ADGRF5: variants seen among roughly 807,000 people sequenced by gnomAD.
The protein encoded by ADGRF5 is adhesion G protein-coupled receptor F5, also known as G-protein coupled receptor 116.
A neutral mutation model predicts 132.3 loss-of-function variants in ADGRF5; 75 were observed. That is an observed-to-expected ratio of 0.57 (90% CI 0.47 to 0.69). ADGRF5 has a LOEUF of 0.69. Ranked by LOEUF, ADGRF5 falls within the 30% of genes least tolerant of loss-of-function variation. The pLI, the probability that ADGRF5 is intolerant of heterozygous loss-of-function variation, is 0.00. For synonymous variants in ADGRF5, 629 were observed against 597.6 expected (o/e 1.05, Z -0.77); for missense variants, 1,516 against 1,630.6 (o/e 0.93, Z 1.21).
chr6:46,893,491 A>C (rs1247803905), intron 3 of ADGRF5, among the ~76,000 whole-genome samples: 1 of 152,112 alleles, frequency 6.6e-6, no homozygotes, highest in African/African-American at 2.4e-5. Context: ...TTCCCTCAGA[A>C]GGCCCAGAGT....
chr6:46,859,111 T>A lies in ADGRF5; in HGVS notation c.2792A>T (p.Asn931Ile). The stretch of plus-strand genomic sequence containing the variant: ...TGAAATCCTGAATGGCATAGTTGTA[T>A]TGTGGCTGACAGTGGTTGTCATCAC... Reference protein sequence around the residue: ...SLVMTTTVSHNTTMPFRISMT... With the variant: ...SLVMTTTVSHITTMPFRISMT... The change falls in exon 17 of 21, where the codon AAT (asparagine) becomes ATT (isoleucine). Residue 931 changes from asparagine to isoleucine, a missense_variant. Transcript: ENST00000283296. 6.2e-7 allele frequency: 1 copy of A among 1,614,070 alleles called. No individual in the cohort carries two copies. The highest frequency in any genetic ancestry group is 8.5e-7 in the Non-Finnish European group (1 of 1,179,888).
At chr6:46,872,795 T>C (rs1771227942) in intron 10 of ADGRF5, among the ~76,000 whole-genome samples, 1 of 152,150 alleles carries the variant, frequency 6.6e-6, no homozygotes, top group South Asian at 2.1e-4. Context: ...CCTGCTGCCA[T>C]GCACTCCTAA....
intron 1 of ADGRF5, among the ~76,000 whole-genome samples, chr6:46,914,793 A>G (rs1170147664): frequency 1.3e-5 from 2 of 151,828 alleles, no homozygotes; most frequent in African/African-American, 2.4e-5. Flanking sequence ...GTGCATTCCA[A>G]TTGCAGACGG....
chr6:46,869,395 A>T, intron 11 of ADGRF5: 2 of 985,364 alleles, frequency 2.0e-6, no homozygotes, highest in South Asian at 9.4e-5. Flanking sequence ...AAAGGTTGCA[A>T]ACTTAGGGGT....
At chr6:46,931,480 T>C (rs2150935580) in intron 1 of ADGRF5, among the ~76,000 whole-genome samples, 1 of 152,342 alleles carries the variant, frequency 6.6e-6, no homozygotes, top group South Asian at 2.1e-4. Flanking sequence ...CTCATCTCCC[T>C]TGACCCTGTA....
rs116526184 is a variant in ADGRF5, at chr6:46,857,981, G to A, written c.3774+148C>T. On this transcript the variant is annotated intron_variant, in intron 17 of 20. Transcript: ENST00000283296. Reference sequence around the variant, plus strand: ...TCAGAAGAATGTGTCCTTTCCATCTGATTGAGTTCTCATTATTACTGCTCT... The same window carrying A: ...TCAGAAGAATGTGTCCTTTCCATCTAATTGAGTTCTCATTATTACTGCTCT... 2.5e-3 allele frequency: 1,545 copies of A among 617,988 alleles called. 6 individuals are homozygous for A. Among genetic ancestry groups the A allele is most frequent in the Admixed American group, 4.4e-3 (145 of 33,242 alleles). The allele number at this position is 617,988 out of a possible 1,614,324, so 38.3% of individuals were successfully genotyped here. A position where few individuals can be genotyped will look rare whatever the true frequency, so the allele number is the denominator to read the frequency against.
At chr6:46,857,563 T>C (rs111600889) in intron 17 of ADGRF5, among the ~76,000 whole-genome samples, 100 of 152,316 alleles carry the variant, frequency 6.6e-4, no homozygotes, top group African/African-American at 2.3e-3. Flanking sequence ...CTGTAGTTAG[T>C]TATGTGCTGC....
intron 3 of ADGRF5, among the ~76,000 whole-genome samples, chr6:46,898,366 T>C (rs1018093437): frequency 1.4e-4 from 22 of 152,196 alleles, no homozygotes; most frequent in Non-Finnish European, 1.5e-4. Context: ...TGAGCACATC[T>C]CTGTCTTTGT....
rs1189618149 is a variant in ADGRF5, at chr6:46,856,999, G to T, written c.3775-91C>A. On this transcript the variant is annotated intron_variant, in intron 17 of 20. Transcript: ENST00000283296. ...GTACTGTTAACCTGGTGTTAAATTT[G>T]TACTACTTCTTTTTCCTTCTGAGTT... 2.3e-5 allele frequency: 22 copies of T among 973,738 alleles called. No homozygotes were observed. In the South Asian group the frequency reaches 2.9e-4, roughly 13 times the overall value. The allele number at this position is 973,738 out of a possible 1,614,324, so 60.3% of individuals were successfully genotyped here.
chr6:46,868,648 C>G (rs1179901511), intron 12 of ADGRF5, among the ~76,000 whole-genome samples: 1 of 152,188 alleles, frequency 6.6e-6, no homozygotes, highest in Non-Finnish European at 1.5e-5. Flanking sequence ...ATTAGAGACA[C>G]TAGTTCCATT....
chr6:46,907,761 A>C (rs1775543022), intron 1 of ADGRF5: 1 of 152,184 alleles, frequency 6.6e-6, no homozygotes, highest in Admixed American at 6.5e-5. Flanking sequence ...AGGATCCAGG[A>C]TTACTAGAAA....
chr6:46,875,250 C>T (rs972231368), intron 10 of ADGRF5, among the ~76,000 whole-genome samples: 7 of 152,166 alleles, frequency 4.6e-5, no homozygotes, highest in African/African-American at 1.2e-4. Flanking sequence ...TCATTCACAT[C>T]GTGTTTCCTA....
intron 1 of ADGRF5, among the ~76,000 whole-genome samples, chr6:46,948,881 G>A (rs1778395854): frequency 6.6e-6 from 1 of 152,168 alleles, no homozygotes; most frequent in South Asian, 2.1e-4. Context: ...GTTAACATGA[G>A]CCTCTACTCA....
chr6:46,869,795 G>A (rs976772941), intron 11 of ADGRF5, among the ~76,000 whole-genome samples: 4 of 152,190 alleles, frequency 2.6e-5, no homozygotes, highest in African/African-American at 9.6e-5. Flanking sequence ...CACCTGCACT[G>A]TCAGGTAAAC....
At chr6:46,890,150 T>G (rs957127872) in intron 3 of ADGRF5, among the ~76,000 whole-genome samples, 2 of 152,060 alleles carry the variant, frequency 1.3e-5, no homozygotes, top group Non-Finnish European at 2.9e-5. Context: ...TGGAGTGTAG[T>G]GGCACGACCT....
intron 10 of ADGRF5, among the ~76,000 whole-genome samples, 184 bp from the exon 11 acceptor site, chr6:46,872,197 G>C (rs571450083): frequency 1.3e-5 from 2 of 152,254 alleles, no homozygotes; most frequent in East Asian, 3.9e-4. Context: ...CCTGGCTTCG[G>C]ATCCCAAACT....
At chr6:46,914,865 G>A (rs1336058636) in intron 1 of ADGRF5, among the ~76,000 whole-genome samples, 1 of 151,242 alleles carries the variant, frequency 6.6e-6, no homozygotes, top group Non-Finnish European at 1.5e-5. Context: ...TTGTTTGTTT[G>A]TTTTTTTTGA....
intron 1 of ADGRF5, among the ~76,000 whole-genome samples, chr6:46,913,709 A>G (rs1431103961): frequency 6.6e-6 from 1 of 152,194 alleles, no homozygotes; most frequent in South Asian, 2.1e-4. Flanking sequence ...TGGTGAGTAC[A>G]TGAAACTCAC....
intron 2 of ADGRF5, among the ~76,000 whole-genome samples, chr6:46,904,072 G>C (rs1366594606): frequency 6.6e-5 from 10 of 152,132 alleles, no homozygotes; most frequent in African/African-American, 2.4e-4. Flanking sequence ...ATGGTCACTG[G>C]AGCAGGATCC....
Sources: gnomAD v4.1 joint callset for allele counts (sites outside exome capture counted in the v4.1 genomes callset) on GRCh38, gnomAD v4.1.1 for gene constraint, MANE v1.5 for transcripts, NCBI Gene and HGNC (gene_info 2026-07-23, HGNC 2026-07-21) for gene names.